Variants in SMOC1 observed in about 807,000 individuals in gnomAD.
SMOC1 encodes the protein SPARC related modular calcium binding 1, also known as SPARC-related modular calcium-binding protein 1.
Under a neutral mutation model 56.3 loss-of-function variants are expected in SMOC1, and 22 were observed. The ratio of observed to expected loss-of-function variants is 0.39; its 90% CI spans 0.28 to 0.56. SMOC1 has a LOEUF of 0.56. Ranked by LOEUF, SMOC1 falls within the 20% of genes least tolerant of loss-of-function variation. The pLI is 0.61. For synonymous variants in SMOC1, 193 were observed against 215.0 expected (o/e 0.90, Z 0.89); for missense variants, 509 against 565.4 (o/e 0.90, Z 1.01).
intron 5 of SMOC1, among the ~76,000 whole-genome samples, chr14:69,986,973 A>C (rs1467429425): frequency 6.6e-6 from 1 of 152,194 alleles, no homozygotes; most frequent in East Asian, 1.9e-4. Flanking sequence ...CATGCATCTC[A>C]GGAAATGTTG....
chr14:69,931,133 C>T (rs763602705), intron 1 of SMOC1, among the ~76,000 whole-genome samples: 13 of 152,330 alleles, frequency 8.5e-5, no homozygotes, highest in Non-Finnish European at 1.6e-4. Flanking sequence ...AACTGAGGCT[C>T]GGCTGTCTTG....
At chr14:69,937,427 TCTCC>T (rs2139406726) in intron 1 of SMOC1, among the ~76,000 whole-genome samples, 1 of 152,330 alleles carries the variant, frequency 6.6e-6, no homozygotes, top group East Asian at 1.9e-4. Context: ...CCATTCTTTC[TCTCC>T]CTCAGGAGTG....
intron 10 of SMOC1, among the ~76,000 whole-genome samples, chr14:70,014,769 T>A (rs1400293548): frequency 6.6e-6 from 1 of 152,120 alleles, no homozygotes; most frequent in Non-Finnish European, 1.5e-5. Context: ...TATGGCTCAC[T>A]GAGGAGGGAG....
At chr14:69,880,196 T>G (rs1594783149) in intron 1 of SMOC1, among the ~76,000 whole-genome samples, 3 of 147,164 alleles carry the variant, frequency 2.0e-5, no homozygotes, top group East Asian at 2.1e-4. Flanking sequence ...CGGGGGCGGG[T>G]GCAGCTCTGC....
Position 69,898,619 on chromosome 14 carries a change from C to G in SMOC1, c.99+18842C>G, listed in dbSNP as rs371449131. ...ATTTCTTTTATAGTGTTTTTGATCT[C>G]TTGCGTTTCTTTTTGATTATTTCTC... On this transcript the variant is annotated intron_variant, in intron 1 of 11. Transcript: ENST00000361956. Among the ~76,000 whole-genome samples, 10 of 152,196 alleles carry G rather than the reference C, an allele frequency of 6.6e-5. No individual in the cohort carries two copies. In the East Asian group the frequency reaches 1.2e-3, roughly 18 times the overall value.
chr14:69,970,658 G>A (rs1300216706), intron 3 of SMOC1, among the ~76,000 whole-genome samples: 1 of 152,154 alleles, frequency 6.6e-6, no homozygotes. Context: ...GCGGGTGATA[G>A]TTGTCTATAT....
At chr14:69,989,793 A>T (rs1326244893) in intron 5 of SMOC1, among the ~76,000 whole-genome samples, 1 of 152,140 alleles carries the variant, frequency 6.6e-6, no homozygotes, top group African/African-American at 2.4e-5. Flanking sequence ...AGCAGAACTG[A>T]TGTAGACCTT....
chr14:69,930,198 C>A (rs190602444), intron 1 of SMOC1, among the ~76,000 whole-genome samples: 1 of 151,862 alleles, frequency 6.6e-6, no homozygotes, highest in Admixed American at 6.6e-5. Flanking sequence ...ACTCCCCTGA[C>A]AGCACCCTTC....
chr14:69,943,467 G>A (rs1882650015), intron 1 of SMOC1, among the ~76,000 whole-genome samples: 1 of 152,184 alleles, frequency 6.6e-6, no homozygotes, highest in South Asian at 2.1e-4. Flanking sequence ...GATAGTGGGT[G>A]GGTGAGTGAT....
At chr14:69,919,910 A>AAC (rs1884787689) in intron 1 of SMOC1, among the ~76,000 whole-genome samples, 5 of 116,392 alleles carry the variant, frequency 4.3e-5, no homozygotes, top group South Asian at 3.2e-4. Flanking sequence ...GAACACAAAT[A>AAC]CCCCCCCCCC....
chr14:70,015,452 C>T (rs1885476130), intron 10 of SMOC1, among the ~76,000 whole-genome samples: 2 of 73,286 alleles, frequency 2.7e-5, no homozygotes, highest in East Asian at 2.4e-4. Context: ...ATAAAATTAA[C>T]AACAACAACA....
At chr14:70,001,703 G>T (rs574254087) in intron 7 of SMOC1, among the ~76,000 whole-genome samples, 1 of 152,266 alleles carries the variant, frequency 6.6e-6, no homozygotes, top group South Asian at 2.1e-4. Context: ...AATAGGAATA[G>T]TAGCTACCAT....
chr14:69,970,735 AC>A lies in SMOC1; in HGVS notation c.379-4975del, dbSNP rs140534825. Among the ~76,000 whole-genome samples, 723 of 152,000 alleles carry A rather than the reference AC, an allele frequency of 4.8e-3. 2 individuals are homozygous for A. The highest frequency in any genetic ancestry group is 0.017 in the African/African-American group (689 of 41,438). On this transcript the variant is annotated intron_variant, in intron 3 of 11. Coordinates refer to ENST00000361956, the MANE Select transcript of SMOC1 (RefSeq NM_001034852.3). ...TCCCCTTTGCTCCCTGACTTGCTTTACCCCCAGGAGCTGAGGTTTCTCTGCT... is the reference window on the plus strand; with the variant it reads ...TCCCCTTTGCTCCCTGACTTGCTTTACCCCAGGAGCTGAGGTTTCTCTGCT...
At chr14:70,023,111 T>C in intron 10 of SMOC1, 92 bp from the exon 11 acceptor site, 1 of 1,601,508 alleles carries the variant, frequency 6.2e-7, no homozygotes, top group Non-Finnish European at 8.5e-7. Context: ...CGTTTCTACC[T>C]GACTTTCTGG....
At chr14:69,993,305 G>A (rs1029065667) in intron 6 of SMOC1, among the ~76,000 whole-genome samples, 11 of 152,072 alleles carry the variant, frequency 7.2e-5, no homozygotes, top group Non-Finnish European at 2.9e-5. Flanking sequence ...ATAGGAGTGC[G>A]GGGTGCAGGA....
intron 4 of SMOC1, among the ~76,000 whole-genome samples, chr14:69,976,228 A>T (rs1387968004): frequency 2.6e-5 from 4 of 152,176 alleles, no homozygotes; most frequent in African/African-American, 9.7e-5. Context: ...CTATCATGGG[A>T]TCAGGAGAGA....
At chr14:70,013,530 G>A in intron 10 of SMOC1, 39 bp downstream of exon 10, 1 of 1,585,380 alleles carries the variant, frequency 6.3e-7, no homozygotes, top group Non-Finnish European at 8.7e-7. Flanking sequence ...GGAGAAAAAT[G>A]TGGGGCCCCT....
chr14:69,965,341 A>G (rs1883529145), intron 3 of SMOC1, among the ~76,000 whole-genome samples: 1 of 150,572 alleles, frequency 6.6e-6, no homozygotes, highest in African/African-American at 2.4e-5. Flanking sequence ...AGTTGGCGCC[A>G]CTGCACTCCA....
chr14:70,023,113 A>G (rs1885789394), intron 10 of SMOC1, 90 bp from the exon 11 acceptor site: 1 of 1,604,592 alleles, frequency 6.2e-7, no homozygotes, highest in Non-Finnish European at 8.5e-7. Flanking sequence ...TTTCTACCTG[A>G]CTTTCTGGGG....
Sources: gnomAD v4.1 joint callset for allele counts (sites outside exome capture counted in the v4.1 genomes callset) on GRCh38, gnomAD v4.1.1 for gene constraint, MANE v1.5 for transcripts, NCBI Gene and HGNC (gene_info 2026-07-23, HGNC 2026-07-21) for gene names.